Variants in PYM1 observed in about 807,000 individuals in gnomAD.
PYM1 encodes the protein PYM1 exon junction complex associated factor.
In PYM1, 7 loss-of-function variants were observed where a neutral mutation model predicts 20.7. The ratio of observed to expected loss-of-function variants is 0.34; its 90% CI spans 0.19 to 0.64. PYM1 has a LOEUF of 0.64. Ranked by LOEUF, PYM1 falls within the 30% of genes least tolerant of loss-of-function variation. The probability of loss-of-function intolerance (pLI) is 0.74; values close to 1 mark genes in which losing one functional copy is unlikely to be tolerated. For missense variants in PYM1, 194 were observed against 250.0 expected (o/e 0.78, Z 1.51); for synonymous variants, 100 against 99.2 (o/e 1.01, Z -0.05).
intron 2 of PYM1, among the ~76,000 whole-genome samples, chr12:55,902,877 C>G (rs1882720403): frequency 2.0e-5 from 3 of 152,076 alleles, no homozygotes; most frequent in South Asian, 2.1e-4. Flanking sequence ...AAGAGATTCT[C>G]CTGCCTCAGC....
At chr12:55,903,599 T>G in intron 1 of PYM1, 119 bp from the exon 2 acceptor site, 1 of 868,860 alleles carries the variant, frequency 1.2e-6, no homozygotes, top group Non-Finnish European at 1.8e-6. Context: ...AATGCAACCA[T>G]TAGGCTCCTT....
At chr12:55,913,079 GCTTAT>G (rs1217375166) in intron 1 of PYM1, among the ~76,000 whole-genome samples, 4 of 151,998 alleles carry the variant, frequency 2.6e-5, no homozygotes, top group African/African-American at 9.7e-5. Context: ...GACTATATTT[GCTTAT>G]CTTAAGTTCA....
intron 1 of PYM1, among the ~76,000 whole-genome samples, chr12:55,918,071 T>C (rs1283971263): frequency 1.3e-5 from 2 of 151,936 alleles, no homozygotes; most frequent in South Asian, 2.1e-4. Context: ...ATTATACCCA[T>C]GTAACAAACC....
intron 1 of PYM1, among the ~76,000 whole-genome samples, chr12:55,910,735 C>T (rs569666138): frequency 1.3e-5 from 2 of 152,230 alleles, no homozygotes; most frequent in South Asian, 2.1e-4. Flanking sequence ...TGAGCCACCA[C>T]ACCTGGTTTT....
chr12:55,922,856 C>T (rs1883123023), intron 1 of PYM1, among the ~76,000 whole-genome samples: 1 of 151,976 alleles, frequency 6.6e-6, no homozygotes, highest in Non-Finnish European at 1.5e-5. Flanking sequence ...ATGTCACAGC[C>T]AAGAGGAGCT....
rs1258104590 is a variant in PYM1, at chr12:55,901,629, T to C, written c.*243A>G. The C allele has an allele frequency of 3.2e-5, 16 of 495,444 alleles. No homozygotes were observed. Among genetic ancestry groups the C allele is most frequent in the African/African-American group, 7.7e-5 (4 of 52,102 alleles). The allele number at this position is 495,444 out of a possible 1,614,324, so 30.7% of individuals were successfully genotyped here. A position where few individuals can be genotyped will look rare whatever the true frequency, so the allele number is the denominator to read the frequency against. On this transcript the variant is annotated 3_prime_UTR_variant, in exon 3 of 3. Transcript: ENST00000408946. Reference sequence around the variant, plus strand: ...CACCCAAATCAGCAGCAAAGGTACCTGGGGTAGTCACTGAGATTTTGAACA... The same window carrying C: ...CACCCAAATCAGCAGCAAAGGTACCCGGGGTAGTCACTGAGATTTTGAACA...
intron 1 of PYM1, among the ~76,000 whole-genome samples, chr12:55,912,587 G>C (rs1304921366): frequency 7.1e-6 from 1 of 141,572 alleles, no homozygotes; most frequent in East Asian, 2.2e-4. Flanking sequence ...TCCGCAAGAG[G>C]GGGGAAAAAA....
chr12:55,914,819 T>A (rs1407980866), intron 1 of PYM1, among the ~76,000 whole-genome samples: 1 of 152,112 alleles, frequency 6.6e-6, no homozygotes, highest in Admixed American at 6.6e-5. Flanking sequence ...TCATAATCAT[T>A]TCCCTCAAGG....
intron 1 of PYM1, among the ~76,000 whole-genome samples, chr12:55,921,880 G>C (rs1156796519): frequency 5.3e-5 from 8 of 152,088 alleles, no homozygotes; most frequent in African/African-American, 1.7e-4. Flanking sequence ...ATGCCAAATA[G>C]TGTGTTTTTT....
chr12:55,904,053 C>G (rs1346905791), intron 1 of PYM1, among the ~76,000 whole-genome samples: 1 of 152,026 alleles, frequency 6.6e-6, no homozygotes, highest in Non-Finnish European at 1.5e-5. Context: ...ACCACAACCT[C>G]CACCTCCCAG....
intron 1 of PYM1, among the ~76,000 whole-genome samples, chr12:55,905,901 TCTAA>T (rs1368057609): frequency 3.4e-5 from 4 of 117,550 alleles, no homozygotes; most frequent in East Asian, 2.2e-4. Context: ...ATTATATATA[TCTAA>T]TAGATATATA....
intron 1 of PYM1, among the ~76,000 whole-genome samples, chr12:55,904,552 C>T (rs1390676912): frequency 2.3e-4 from 31 of 134,866 alleles, no homozygotes; most frequent in Admixed American, 1.4e-3. Flanking sequence ...GCAGAGATTG[C>T]GCCACTGCAC....
rs1479565303 is a variant in PYM1 at position 55,903,536 on chromosome 12, A to T, written c.38-56T>A. On this transcript the variant is annotated intron_variant, in intron 1 of 2. Coordinates refer to ENST00000408946, the MANE Select transcript of PYM1 (RefSeq NM_032345.3). ...CTCTTATTTTCAAACATTTTACAAGATGAGACAAGAATGTATAAATGTACA... is the reference window on the plus strand; with the variant it reads ...CTCTTATTTTCAAACATTTTACAAGTTGAGACAAGAATGTATAAATGTACA... The T allele has an allele frequency of 2.6e-6, 4 of 1,549,928 alleles. No individual in the cohort carries two copies. In the African/African-American group the frequency reaches 5.4e-5, roughly 21 times the overall value.
chr12:55,910,564 T>C (rs1882905045), intron 1 of PYM1, among the ~76,000 whole-genome samples: 1 of 152,090 alleles, frequency 6.6e-6, no homozygotes. Context: ...TGCCTCAGTC[T>C]CCCGAGTACC....
intron 1 of PYM1, chr12:55,913,604 A>G (rs1216237778): frequency 6.6e-6 from 1 of 152,224 alleles, no homozygotes; most frequent in Non-Finnish European, 1.5e-5. Context: ...CTGCAATGTG[A>G]AAAGACTTGA....
intron 1 of PYM1, among the ~76,000 whole-genome samples, chr12:55,918,099 T>C (rs1038214030): frequency 6.6e-6 from 1 of 151,510 alleles, no homozygotes; most frequent in African/African-American, 2.4e-5. Context: ...TTTCTTTTTT[T>C]TTTTTTTCTT....
At position 55,902,226 on chromosome 12, in the gene PYM1, G is replaced by A; in HGVS notation, c.261C>T (p.Ala87=). Residue 87 remains alanine, a synonymous_variant, in exon 3 of 3, where the codon GCC becomes GCT. Coordinates refer to ENST00000408946, the MANE Select transcript of PYM1 (RefSeq NM_032345.3). The stretch of plus-strand genomic sequence containing the variant: ...TCTCCTTTCGCTTCAGGTTACGTTT[G>A]GCTGTCTTGGAGAGGCCTGGTTCAC... ...EGGEPGLSKT[A]KRNLKRKEKR... is the part of the protein sequence containing the mutation. The A allele has an allele frequency of 6.2e-7, 1 of 1,614,076 alleles. No homozygotes were observed. The highest frequency in any genetic ancestry group is 1.1e-5 in the South Asian group (1 of 91,070).
chr12:55,913,160 G>A lies in PYM1; in HGVS notation c.38-9680C>T, dbSNP rs141493053. 2.7e-3 allele frequency among the ~76,000 whole-genome samples: 418 copies of A among 152,118 alleles called. 2 individuals carry two copies. Among genetic ancestry groups the A allele is most frequent in the African/African-American group, 9.7e-3 (404 of 41,478 alleles). ...AAGGCAGCCTTCCTGACTTCCTTACGCCAAGCCAGGTTAAAACTTGCTTTC... is the reference window on the plus strand; with the variant it reads ...AAGGCAGCCTTCCTGACTTCCTTACACCAAGCCAGGTTAAAACTTGCTTTC... On this transcript the variant is annotated intron_variant, in intron 1 of 2. Coordinates refer to ENST00000408946, the MANE Select transcript of PYM1 (RefSeq NM_032345.3).
chr12:55,901,731 TG>T lies in PYM1; in HGVS notation c.*140del. The stretch of plus-strand genomic sequence containing the variant: ...AAGGATTGAGGGAGACGCTAGGCTC[TG>T]GAGGACAGAGCTGGGCCGCAGGAGG... On this transcript the variant is annotated 3_prime_UTR_variant, in exon 3 of 3. Coordinates refer to ENST00000408946, the MANE Select transcript of PYM1 (RefSeq NM_032345.3). 1.6e-6 allele frequency: 2 copies of T among 1,233,486 alleles called. No homozygotes were observed. The highest frequency in any genetic ancestry group is 2.4e-5 in the East Asian group (1 of 42,302). The allele number at this position is 1,233,486 out of a possible 1,614,324, so 76.4% of individuals were successfully genotyped here.
Sources: allele counts gnomAD v4.1 joint callset (sites outside exome capture counted in the v4.1 genomes callset), GRCh38; gene constraint gnomAD v4.1.1; transcripts MANE v1.5; gene names NCBI Gene and HGNC (gene_info 2026-07-23, HGNC 2026-07-21).